The following XDH variants were observed in gnomAD, a reference collection of about 807,000 sequenced individuals.
XDH encodes xanthine dehydrogenase.
Under a neutral mutation model 156.1 loss-of-function variants are expected in XDH, and 138 were observed. That is an observed-to-expected ratio of 0.88 (90% CI 0.77 to 1.02). XDH has a LOEUF of 1.02. Among genes scored for constraint, XDH ranks in the 50% least tolerant of loss-of-function variants. The pLI is 0.00. For missense variants in XDH, 1,849 were observed against 1,684.9 expected (o/e 1.10, Z -1.71); for synonymous variants, 669 against 625.7 (o/e 1.07, Z -1.03).
intron 24 of XDH, among the ~76,000 whole-genome samples, chr2:31,362,036 T>C (rs1685793005): frequency 1.4e-5 from 2 of 138,720 alleles, no homozygotes; most frequent in South Asian, 5.0e-4. Flanking sequence ...ATAATGAGTA[T>C]ATACTTGCTC....
At chr2:31,343,400 A>G (rs1685187730) in intron 31 of XDH, among the ~76,000 whole-genome samples, 2 of 143,826 alleles carry the variant, frequency 1.4e-5, no homozygotes, top group East Asian at 2.1e-4. Flanking sequence ...TGAGCCACAT[A>G]TATGTTCATA....
chr2:31,349,576 C>T (rs1334136894), intron 26 of XDH, 110 bp downstream of exon 26: 3 of 1,491,724 alleles, frequency 2.0e-6, no homozygotes, highest in East Asian at 2.3e-5. Context: ...GCAAACTCAG[C>T]AGTCTCATAA....
At chr2:31,410,876 G>C (rs913537565) in intron 1 of XDH, among the ~76,000 whole-genome samples, 2 of 152,168 alleles carry the variant, frequency 1.3e-5, no homozygotes, top group African/African-American at 2.4e-5. Context: ...GGCTGGGGTT[G>C]GGGAGTTATA....
chr2:31,359,352 TAACAA>T (rs1685713010), intron 24 of XDH, among the ~76,000 whole-genome samples: 1 of 149,880 alleles, frequency 6.7e-6, no homozygotes, highest in Non-Finnish European at 1.5e-5. Flanking sequence ...TAGACATGTT[TAACAA>T]AACAAAACAA....
chr2:31,410,984 G>T (rs1192477873), intron 1 of XDH, among the ~76,000 whole-genome samples: 1 of 152,132 alleles, frequency 6.6e-6, no homozygotes, highest in Non-Finnish European at 1.5e-5. Flanking sequence ...CTACAGTTTT[G>T]TAAGAATATA....
intron 5 of XDH, 73 bp downstream of exon 5, chr2:31,398,500 C>T (rs1686971520): frequency 6.2e-7 from 1 of 1,608,766 alleles, no homozygotes; most frequent in Non-Finnish European, 8.5e-7. Context: ...GCTTCTCACC[C>T]TGGCACTTGC....
Position 31,368,674 on chromosome 2 carries a change from C to A in XDH, c.1981-14G>T, listed in dbSNP as rs1175375397. On this transcript the variant is annotated splice_polypyrimidine_tract_variant and intron_variant, in intron 18 of 35. Transcript: ENST00000379416. ...AACACAAGTAACCTAGTAGCAGAGA[C>A]AGACTGTTAAAGAACGCAACCAGGC... The A allele has an allele frequency of 6.2e-7, 1 of 1,614,196 alleles. No homozygotes were observed. The highest frequency in any genetic ancestry group is 1.7e-5 in the Admixed American group (1 of 60,026).
At chr2:31,401,435 C>T in intron 3 of XDH, 107 bp from the exon 4 acceptor site, 2 of 1,137,838 alleles carry the variant, frequency 1.8e-6, no homozygotes, top group Non-Finnish European at 2.6e-6. Flanking sequence ...TTACGTCTCT[C>T]CGCTCCCATT....
At chr2:31,375,788 A>G (rs1340277438) in intron 14 of XDH, among the ~76,000 whole-genome samples, 1 of 152,258 alleles carries the variant, frequency 6.6e-6, no homozygotes, top group Non-Finnish European at 1.5e-5. Flanking sequence ...GTTAAAATCT[A>G]TCAAGTCCTC....
At chr2:31,384,923 G>C (rs1686544542) in intron 9 of XDH, among the ~76,000 whole-genome samples, 1 of 152,192 alleles carries the variant, frequency 6.6e-6, no homozygotes, top group African/African-American at 2.4e-5. Flanking sequence ...ATGCTATTGG[G>C]GTATGTATAA....
chr2:31,337,794 G>A lies in XDH; in HGVS notation c.3798C>T (p.Phe1266=). The change falls in exon 35 of 36, where the codon TTC becomes TTT. Residue 1266 remains phenylalanine, a synonymous_variant. Coordinates refer to ENST00000379416, the MANE Select transcript of XDH (RefSeq NM_000379.4). ...TGGCAAAGAAGATAGAAGCAGCCAG[G>A]AAGAGGGGCGGCTCTCCAACAGCCT... is the stretch of plus-strand genomic sequence containing the variant. ...ASKAVGEPPL[F]LAASIFFAIK... is the part of the protein sequence containing the mutation. The A allele has an allele frequency of 6.2e-7, 1 of 1,614,178 alleles. No individual in the cohort carries two copies. The highest frequency in any genetic ancestry group is 1.7e-5 in the Admixed American group (1 of 60,028).
At chr2:31,343,305 T>C (rs200621688) in intron 31 of XDH, among the ~76,000 whole-genome samples, 7 of 101,032 alleles carry the variant, frequency 6.9e-5, no homozygotes, top group South Asian at 3.3e-4. Flanking sequence ...TATATATATA[T>C]ATATATATAT....
chr2:31,400,235 T>TC (rs1303006541), intron 4 of XDH, among the ~76,000 whole-genome samples: 1 of 135,898 alleles, frequency 7.4e-6, no homozygotes, highest in Non-Finnish European at 1.5e-5. Context: ...TCTGGTAACT[T>TC]CTTTTTTTTT....
intron 24 of XDH, among the ~76,000 whole-genome samples, chr2:31,351,280 AT>A (rs1282164283): frequency 1.3e-5 from 2 of 152,110 alleles, no homozygotes; most frequent in African/African-American, 2.4e-5. Flanking sequence ...GGAGTTAATA[AT>A]TGTCTTTATT....
At chr2:31,382,879 C>A (rs1686475344) in intron 11 of XDH, 122 bp downstream of exon 11, 3 of 1,443,754 alleles carry the variant, frequency 2.1e-6, no homozygotes, top group Non-Finnish European at 9.5e-7. Context: ...ACTGCTCCTC[C>A]CAGGCAACTC....
At chr2:31,369,390 A>G (rs1686008770) in intron 18 of XDH, among the ~76,000 whole-genome samples, 1 of 152,242 alleles carries the variant, frequency 6.6e-6, no homozygotes, top group Non-Finnish European at 1.5e-5. Flanking sequence ...TAAAAGCTTA[A>G]TGGATCTCCT....
chr2:31,373,896 G>C lies in XDH; in HGVS notation c.1663C>G (p.Pro555Ala). 1 of 1,613,878 alleles carries C rather than the reference G, an allele frequency of 6.2e-7. No homozygotes were observed. Among genetic ancestry groups the C allele is most frequent in the Non-Finnish European group, 8.5e-7 (1 of 1,179,864 alleles). Residue 555 changes from proline to alanine, a missense_variant, in exon 16 of 36, where the codon CCA becomes GCA. Physicochemically the swap from Pro to Ala is conservative, Grantham distance 27. Coordinates refer to ENST00000379416, the MANE Select transcript of XDH (RefSeq NM_000379.4). ...SATLLFQKDP[P>A]ADVQLFQEVP... ...ACTTGGAAGAGCTGGACATCGGCTG[G>C]GGGGTCTTTCTGAAACAGTAAAGTT...
intron 9 of XDH, among the ~76,000 whole-genome samples, chr2:31,385,954 C>CCTTAGACTA (rs1479157989): frequency 2.0e-5 from 3 of 152,216 alleles, no homozygotes; most frequent in Non-Finnish European, 4.4e-5. Flanking sequence ...GTTCCTCCTC[C>CCTTAGACTA]CTTAGACTAG....
At chr2:31,398,783 T>A in intron 4 of XDH, 84 bp from the exon 5 acceptor site, 1 of 1,596,592 alleles carries the variant, frequency 6.3e-7, no homozygotes, top group Non-Finnish European at 8.5e-7. Flanking sequence ...CCAGCACATG[T>A]TGAGAGATAG....
Sources: gnomAD v4.1 joint callset for allele counts (sites outside exome capture counted in the v4.1 genomes callset) on GRCh38, gnomAD v4.1.1 for gene constraint, MANE v1.5 for transcripts, NCBI Gene and HGNC (gene_info 2026-07-23, HGNC 2026-07-21) for gene names.